CRLF3: variants seen among roughly 807,000 people sequenced by gnomAD.
CRLF3 encodes the protein cytokine receptor like factor 3.
CRLF3 carries 33 observed loss-of-function variants against 55.0 expected under a neutral mutation model. That is an observed-to-expected ratio of 0.60 (90% CI 0.46 to 0.80). CRLF3 has a LOEUF of 0.80. Ranked by LOEUF, CRLF3 falls within the 30% of genes least tolerant of loss-of-function variation. The probability of loss-of-function intolerance (pLI) is 0.00; values close to 1 mark genes in which losing one functional copy is unlikely to be tolerated. For synonymous variants in CRLF3, 238 were observed against 196.8 expected, an observed-to-expected ratio of 1.21 and a Z score of -1.75; for missense variants, 494 against 538.4, an observed-to-expected ratio of 0.92 and a Z score of 0.82.
rs558332581 is a variant in CRLF3, at chr17:30,798,131, G to A, written c.338-733C>T. Among the ~76,000 whole-genome samples, 263 of 152,184 alleles carry A rather than the reference G, an allele frequency of 1.7e-3. 1 individual carries two copies. The highest frequency in any genetic ancestry group is 3.4e-3 in the Middle Eastern group (1 of 294). ...GCGGTAGCTCACGCCTGTAATCCCA[G>A]CACTTTGGGAGGCGGAGGCAGGTGG... On this transcript the variant is annotated intron_variant, in intron 2 of 7. Transcript: ENST00000324238.
intron 5 of CRLF3, among the ~76,000 whole-genome samples, chr17:30,793,074 A>C (rs1458560969): frequency 6.6e-6 from 1 of 151,186 alleles, no homozygotes; most frequent in African/African-American, 2.4e-5. Flanking sequence ...AAGGATCTAG[A>C]GGTCAGGCTG....
rs1019141051 is a variant in CRLF3, at chr17:30,783,479, T to G, written c.*708A>C. ...TAAAAATACAAAAATTAGCCAGGTG[T>G]GGTGGCCGACGCCTGTAATCCCAGC... On this transcript the variant is annotated 3_prime_UTR_variant, in exon 8 of 8. Coordinates refer to ENST00000324238, the MANE Select transcript of CRLF3 (RefSeq NM_015986.4). 6.6e-6 allele frequency: 1 copy of G among 152,122 alleles called. No individual in the cohort carries two copies. Among genetic ancestry groups the G allele is most frequent in the Non-Finnish European group, 1.5e-5 (1 of 68,064 alleles). 9.4% of individuals were successfully genotyped at this position (152,122 alleles called of 1,614,324 possible).
chr17:30,822,406 G>A (rs1905025507), intron 1 of CRLF3, among the ~76,000 whole-genome samples: 1 of 152,080 alleles, frequency 6.6e-6, no homozygotes, highest in African/African-American at 2.4e-5. Flanking sequence ...AACTGCCACT[G>A]GCACAAAACA....
rs774434726 is a variant in CRLF3, at chr17:30,784,300, T to G, written c.1216A>C (p.Ile406Leu). 6.2e-6 allele frequency: 10 copies of G among 1,614,022 alleles called. No homozygotes were observed. The highest frequency in any genetic ancestry group is 8.5e-6 in the Non-Finnish European group (10 of 1,179,988). The change falls in exon 8 of 8, where the codon ATA (isoleucine) becomes CTA (leucine). Residue 406 changes from isoleucine to leucine, a missense_variant. Transcript: ENST00000324238. ...EGGHFKLRVT[I>L]SSNNREVVFD... ...ACCACTTCTCTATTATTTGAACTTA[T>G]AGTTACTCGAAGCTTGAAGTGTCCA...
chr17:30,810,439 G>A (rs557724668), intron 1 of CRLF3, among the ~76,000 whole-genome samples: 75 of 152,170 alleles, frequency 4.9e-4, no homozygotes, highest in African/African-American at 1.8e-3. Context: ...AGTGGTGCAC[G>A]CCTGTAGTCC....
chr17:30,821,151 C>A (rs1000505316), intron 1 of CRLF3, among the ~76,000 whole-genome samples: 9 of 151,292 alleles, frequency 5.9e-5, no homozygotes, highest in African/African-American at 2.2e-4. Context: ...GGAGGCTGGA[C>A]AACATGGCAA....
chr17:30,793,358 A>G (rs1971854214), intron 5 of CRLF3, 92 bp downstream of exon 5: 1 of 890,674 alleles, frequency 1.1e-6, no homozygotes, highest in South Asian at 1.5e-5. Flanking sequence ...CTATGCTTAG[A>G]ATAGCTGGTT....
intron 1 of CRLF3, among the ~76,000 whole-genome samples, chr17:30,812,552 T>A (rs1402097467): frequency 6.6e-6 from 1 of 152,170 alleles, no homozygotes. Flanking sequence ...AAAAAAGTGC[T>A]TAATTGAGAA....
Position 30,785,874 on chromosome 17 carries a change from ATAAT to A in CRLF3, c.1072+41_1072+44del, listed in dbSNP as rs773333650. ...TGGAACAGATTCACATATTACTAAA[ATAAT>A]TAATATATTTCCAAGAGAATGACAG... On this transcript the variant is annotated intron_variant, in intron 7 of 7. Coordinates refer to ENST00000324238, the MANE Select transcript of CRLF3 (RefSeq NM_015986.4). The A allele has an allele frequency of 7.3e-5, 74 of 1,015,308 alleles. 1 individual carries two copies. In the Middle Eastern group the frequency reaches 5.4e-3, roughly 74 times the overall value. 62.9% of individuals were successfully genotyped at this position (1,015,308 alleles called of 1,614,324 possible).
intron 2 of CRLF3, among the ~76,000 whole-genome samples, chr17:30,798,036 C>G (rs1971950719): frequency 6.6e-6 from 1 of 150,840 alleles, no homozygotes; most frequent in African/African-American, 2.4e-5. Context: ...CTATGTTTTC[C>G]TAAAAGAGTA....
intron 1 of CRLF3, among the ~76,000 whole-genome samples, chr17:30,822,427 A>G (rs1905025650): frequency 6.6e-6 from 1 of 152,184 alleles, no homozygotes; most frequent in South Asian, 2.1e-4. Context: ...CATTCCCAAA[A>G]GAGACTCACA....
intron 5 of CRLF3, chr17:30,792,777 CAT>C: frequency 4.5e-6 from 2 of 448,966 alleles, no homozygotes; most frequent in Non-Finnish European, 8.0e-6. Flanking sequence ...ATAATTTTGA[CAT>C]AATAAATCAC....
chr17:30,785,920 A>T lies in CRLF3; in HGVS notation c.1071T>A (p.Asn357Lys), dbSNP rs143120443. 6.6e-7 allele frequency: 1 copy of T among 1,520,670 alleles called. No homozygotes were observed. The highest frequency in any genetic ancestry group is 1.1e-5 in the South Asian group (1 of 87,582). 94.2% of individuals were successfully genotyped at this position (1,520,670 alleles called of 1,614,324 possible). The change falls in exon 7 of 8, where the codon AAT becomes AAA. Residue 357 changes from asparagine to lysine, a missense_variant and splice_region_variant. Physicochemically the swap from Asn to Lys is moderately conservative, Grantham distance 94. Coordinates refer to ENST00000324238, the MANE Select transcript of CRLF3 (RefSeq NM_015986.4). The stretch of plus-strand genomic sequence containing the variant: ...GAATGACAGTTATTTATCTCTTACC[A>T]TTTGTACTAATGCACACAGCTTGAT... Reference protein sequence around the residue: ...QRDQAVCISTNGAVFVNGKEM... With the variant: ...QRDQAVCISTKGAVFVNGKEM...
chr17:30,793,307 A>G, intron 5 of CRLF3, 143 bp downstream of exon 5: 1 of 632,550 alleles, frequency 1.6e-6, no homozygotes. Context: ...AGGTAATCTG[A>G]GTAAAAGACA....
chr17:30,788,136 GGCTAAC>G (rs1971692679), intron 6 of CRLF3, among the ~76,000 whole-genome samples: 3 of 151,402 alleles, frequency 2.0e-5, no homozygotes, highest in Admixed American at 2.0e-4. Context: ...AGACCATCCT[GGCTAAC>G]ACGGTGAAAC....
chr17:30,797,063 A>G (rs1971929136), intron 3 of CRLF3, among the ~76,000 whole-genome samples: 1 of 151,728 alleles, frequency 6.6e-6, no homozygotes, highest in Non-Finnish European at 1.5e-5. Context: ...TCTAATTTTT[A>G]TATTTTTAGT....
At position 30,824,675 on chromosome 17, in the gene CRLF3, T is replaced by C. The variant is rs765263144; in HGVS notation, c.-24A>G. 9.5e-6 allele frequency: 15 copies of C among 1,581,134 alleles called. No individual in the cohort carries two copies. Among genetic ancestry groups the C allele is most frequent in the Middle Eastern group, 1.9e-4 (1 of 5,164 alleles). Reference sequence around the variant, plus strand: ...ATCTGGCCGCGCGGCCGGCGAAACCTAGCGCGGGTTCCCGACTGCACCGGG... The same window carrying C: ...ATCTGGCCGCGCGGCCGGCGAAACCCAGCGCGGGTTCCCGACTGCACCGGG... On this transcript the variant is annotated 5_prime_UTR_variant, in exon 1 of 8. Transcript: ENST00000324238.
At chr17:30,811,618 A>G (rs1904624986) in intron 1 of CRLF3, among the ~76,000 whole-genome samples, 1 of 151,840 alleles carries the variant, frequency 6.6e-6, no homozygotes, top group African/African-American at 2.4e-5. Context: ...CCTGGCCAAC[A>G]TGGTGAAACC....
intron 1 of CRLF3, among the ~76,000 whole-genome samples, chr17:30,810,906 G>T (rs547668550): frequency 1.3e-5 from 2 of 152,130 alleles, no homozygotes; most frequent in South Asian, 4.2e-4. Context: ...TGGGCAACAT[G>T]GCAAAACTCT....
Sources: gnomAD v4.1 joint callset for allele counts (sites outside exome capture counted in the v4.1 genomes callset) on GRCh38, gnomAD v4.1.1 for gene constraint, MANE v1.5 for transcripts, NCBI Gene and HGNC (gene_info 2026-07-23, HGNC 2026-07-21) for gene names.